The following GAPVD1 variants were observed in gnomAD, a reference collection of about 807,000 sequenced individuals.
GAPVD1 encodes the protein GTPase activating protein and VPS9 domains 1.
A neutral mutation model predicts 155.5 loss-of-function variants in GAPVD1; 35 were observed. The observed-to-expected ratio is 0.23, with a 90% CI of 0.17 to 0.30. GAPVD1 has a LOEUF of 0.30. Ranked by LOEUF, GAPVD1 falls within the 10% of genes least tolerant of loss-of-function variation. The pLI is 1.00. For synonymous variants in GAPVD1, 636 were observed against 619.7 expected (o/e 1.03, Z -0.39); for missense variants, 1,429 against 1,775.7 (o/e 0.80, Z 3.51).
rs1253575437 is a variant in GAPVD1 at position 125,285,312 on chromosome 9, A to G, written c.-149-10146A>G. ...CCTCTATACCATTATGGAAAGATAT[A>G]GAAATCCAGTGTGCTTCACTCTTGC... On this transcript the variant is annotated intron_variant, in intron 2 of 27. Coordinates refer to ENST00000297933, the MANE Select transcript of GAPVD1 (RefSeq NM_001282680.3). 2.0e-5 allele frequency among the ~76,000 whole-genome samples: 3 copies of G among 152,336 alleles called. No individual in the cohort carries two copies. In the East Asian group the frequency reaches 5.8e-4, roughly 29 times the overall value.
At chr9:125,266,561 C>A (rs911865324) in intron 1 of GAPVD1, among the ~76,000 whole-genome samples, 1 of 152,058 alleles carries the variant, frequency 6.6e-6, no homozygotes, top group African/African-American at 2.4e-5. Context: ...GATCCACCTG[C>A]CTCGGCCTCC....
chr9:125,266,277 C>T (rs1050444228), intron 1 of GAPVD1, among the ~76,000 whole-genome samples: 4 of 151,118 alleles, frequency 2.6e-5, no homozygotes, highest in East Asian at 1.9e-4. Flanking sequence ...TAGGCATGCA[C>T]CACTATGCCC....
At position 125,295,469 on chromosome 9, in the gene GAPVD1, G is replaced by C. The variant is rs1373320346; in HGVS notation, c.-138G>C. ...TTTTTTTGGGACAGGGTCTGGCTCT[G>C]TCACCCAGGCTGGAGTGCAGTGACA... On this transcript the variant is annotated 5_prime_UTR_variant, in exon 3 of 28. Transcript: ENST00000297933. 8.1e-6 allele frequency: 1 copy of C among 123,282 alleles called. No individual in the cohort carries two copies. Among genetic ancestry groups the C allele is most frequent in the Non-Finnish European group, 1.6e-5 (1 of 62,612 alleles). The allele number at this position is 123,282 out of a possible 1,614,324, so 7.6% of individuals were successfully genotyped here.
intron 25 of GAPVD1, among the ~76,000 whole-genome samples, chr9:125,358,078 A>G (rs1298404057): frequency 2.0e-5 from 3 of 151,790 alleles, no homozygotes; most frequent in Non-Finnish European, 4.4e-5. Context: ...GAGACTAGGG[A>G]AGATTTTGCA....
intron 11 of GAPVD1, among the ~76,000 whole-genome samples, chr9:125,325,862 A>G (rs760705584): frequency 7.2e-5 from 11 of 152,200 alleles, no homozygotes; most frequent in Non-Finnish European, 1.5e-4. Flanking sequence ...GTGCAAAAAT[A>G]TTAAATGGAA....
chr9:125,297,780 C>G (rs1426456997), intron 3 of GAPVD1, among the ~76,000 whole-genome samples: 1 of 152,134 alleles, frequency 6.6e-6, no homozygotes, highest in Non-Finnish European at 1.5e-5. Flanking sequence ...GAGTCTCACT[C>G]TATTGCCCAG....
chr9:125,289,258 C>T (rs1564299001), intron 2 of GAPVD1, among the ~76,000 whole-genome samples: 1 of 152,084 alleles, frequency 6.6e-6, no homozygotes, highest in Non-Finnish European at 1.5e-5. Context: ...TGAACATTTG[C>T]AGGATTTTGA....
At chr9:125,263,189 AG>A (rs1365554214) in intron 1 of GAPVD1, among the ~76,000 whole-genome samples, 36 of 152,242 alleles carry the variant, frequency 2.4e-4, no homozygotes, top group African/African-American at 8.7e-4. Flanking sequence ...AAAAAGATTA[AG>A]AACTCCTGAA....
chr9:125,282,400 G>A (rs997714047), intron 2 of GAPVD1, among the ~76,000 whole-genome samples: 2 of 152,204 alleles, frequency 1.3e-5, no homozygotes, highest in Non-Finnish European at 2.9e-5. Flanking sequence ...GCGTCCCAAA[G>A]TGGTGGGATT....
chr9:125,269,761 A>G (rs1588516255), intron 2 of GAPVD1, among the ~76,000 whole-genome samples: 1 of 121,376 alleles, frequency 8.2e-6, no homozygotes, highest in African/African-American at 3.3e-5. Flanking sequence ...TCTGTTGCCC[A>G]GGCTGGAGTA....
rs755525604 is a variant in GAPVD1, at chr9:125,307,769, C to G, written c.1330C>G (p.Leu444Val). The change falls in exon 8 of 28, where the codon CTA (leucine) becomes GTA (valine). Residue 444 changes from leucine (L) to valine (V), a missense_variant. Around this residue, in one of 4 missense-constraint regions of GAPVD1, gnomAD observed 628 missense variants for 733.4 expected, o/e 0.86. Coordinates refer to ENST00000297933, the MANE Select transcript of GAPVD1 (RefSeq NM_001282680.3). ...RMALDNLLAN[L>V]PPAKPGKSSS... ...GGCTCTTGACAATTTATTGGCAAAC[C>G]TACCCCCGGCCAAGCCAGGAAAAAG... 2 of 1,613,506 alleles carry G rather than the reference C, an allele frequency of 1.2e-6. No individual in the cohort carries two copies. The highest frequency in any genetic ancestry group is 1.7e-5 in the Admixed American group (1 of 60,016).
intron 13 of GAPVD1, among the ~76,000 whole-genome samples, chr9:125,331,373 G>A (rs543749528): frequency 6.6e-6 from 1 of 152,058 alleles, no homozygotes; most frequent in South Asian, 2.1e-4. Context: ...GCTAGTTTTT[G>A]TATTTTTAGT....
At chr9:125,336,545 A>G (rs1320933691) in intron 15 of GAPVD1, among the ~76,000 whole-genome samples, 2 of 152,186 alleles carry the variant, frequency 1.3e-5, no homozygotes, top group Non-Finnish European at 2.9e-5. Context: ...ACCAGGTCTC[A>G]CCATCTTGCC....
chr9:125,278,749 T>G (rs1427943045), intron 2 of GAPVD1, among the ~76,000 whole-genome samples: 3 of 150,218 alleles, frequency 2.0e-5, no homozygotes, highest in Non-Finnish European at 4.4e-5. Context: ...GTGGGAAGAT[T>G]GCTTGAGCTT....
intron 1 of GAPVD1, among the ~76,000 whole-genome samples, chr9:125,266,735 A>G (rs1332092194): frequency 6.6e-6 from 1 of 151,046 alleles, no homozygotes. Context: ...ATCTTTCCCT[A>G]TTTTCTGCTG....
At chr9:125,347,319 G>T (rs149433740) in intron 20 of GAPVD1, among the ~76,000 whole-genome samples, 1 of 152,280 alleles carries the variant, frequency 6.6e-6, no homozygotes, top group Admixed American at 6.5e-5. Flanking sequence ...GTTATCCATT[G>T]TCACCTGGTA....
intron 2 of GAPVD1, among the ~76,000 whole-genome samples, chr9:125,278,452 C>T (rs1416392579): frequency 2.0e-5 from 3 of 152,050 alleles, no homozygotes; most frequent in African/African-American, 4.8e-5. Flanking sequence ...ACCTGGGAGG[C>T]GGAGGTTGCA....
At chr9:125,342,326 T>A in intron 19 of GAPVD1, 27 bp downstream of exon 19, 1 of 1,215,044 alleles carries the variant, frequency 8.2e-7, no homozygotes, top group Non-Finnish European at 1.2e-6. Flanking sequence ...ACTTCCTGGC[T>A]CCTTCATTCC....
At chr9:125,274,275 C>A (rs987472802) in intron 2 of GAPVD1, among the ~76,000 whole-genome samples, 6 of 151,918 alleles carry the variant, frequency 3.9e-5, no homozygotes, top group Non-Finnish European at 7.3e-5. Flanking sequence ...GCCTCGGCCT[C>A]TCAAAGTGTT....
Sources: allele counts gnomAD v4.1 joint callset (sites outside exome capture counted in the v4.1 genomes callset), GRCh38; gene constraint gnomAD v4.1.1; regional missense constraint gnomAD v4.1.1; transcripts MANE v1.5; gene names NCBI Gene and HGNC (gene_info 2026-07-23, HGNC 2026-07-21).